SLCO1C1: variants seen among roughly 807,000 people sequenced by gnomAD.
The protein encoded by SLCO1C1 is solute carrier organic anion transporter family member 1C1, also known as OAT-RP-5.
In SLCO1C1, 70 loss-of-function variants were observed where a neutral mutation model predicts 76.4. That is an observed-to-expected ratio of 0.92 (90% CI 0.76 to 1.12). SLCO1C1 has a LOEUF of 1.12. SLCO1C1 is among the 50% of genes most tolerant of loss of function. The pLI, the probability that SLCO1C1 is intolerant of heterozygous loss-of-function variation, is 0.00. For missense variants in SLCO1C1, 912 were observed against 823.8 expected (o/e 1.11, Z -1.31); for synonymous variants, 306 against 286.1 (o/e 1.07, Z -0.70).
intron 1 of SLCO1C1, chr12:20,696,968 G>T (rs752170121): frequency 1.3e-5 from 2 of 152,022 alleles, no homozygotes; most frequent in Non-Finnish European, 2.9e-5. Flanking sequence ...AGTGAACTGA[G>T]ATGACTATAT....
Position 20,721,830 on chromosome 12 carries a change from C to T in SLCO1C1, c.802C>T (p.Pro268Ser), listed in dbSNP as rs759255086. 19 of 1,614,022 alleles carry T rather than the reference C, an allele frequency of 1.2e-5. No homozygotes were observed. In the Admixed American group the frequency reaches 3.0e-4, roughly 25 times the overall value. The change falls in exon 8 of 15, where the codon CCC becomes TCC. Residue 268 changes from proline (P) to serine (S), a missense_variant. Physicochemically the swap from Pro to Ser is moderately conservative, Grantham distance 74. Coordinates refer to ENST00000266509, the MANE Select transcript of SLCO1C1 (RefSeq NM_017435.5). ...TCACATAACCATTACCCCAAAAGAT[C>T]CCCAGTGGGTAGGAGCCTGGTGGCT... Reference protein sequence around the residue: ...LDHITITPKDPQWVGAWWLGY... With the variant: ...LDHITITPKDSQWVGAWWLGY...
chr12:20,702,203 C>T (rs73240441), intron 3 of SLCO1C1, among the ~76,000 whole-genome samples: 15,792 of 151,820 alleles, frequency 0.1, 1,982 homozygotes, highest in African/African-American at 0.3. Flanking sequence ...AGATATACAC[C>T]ATAGTAAAAC....
At chr12:20,751,351 G>T (rs1036865096) in intron 14 of SLCO1C1, among the ~76,000 whole-genome samples, 9 of 151,888 alleles carry the variant, frequency 5.9e-5, no homozygotes, top group Non-Finnish European at 1.2e-4. Flanking sequence ...TTTCACTATG[G>T]TATCATTCAG....
intron 1 of SLCO1C1, among the ~76,000 whole-genome samples, chr12:20,698,672 G>A (rs946688339): frequency 1.3e-5 from 2 of 151,978 alleles, no homozygotes; most frequent in African/African-American, 4.8e-5. Flanking sequence ...CTCCTATTAT[G>A]TGGATATAGA....
At chr12:20,718,884 ACT>A (rs751907983) in intron 7 of SLCO1C1, among the ~76,000 whole-genome samples, 4 of 151,774 alleles carry the variant, frequency 2.6e-5, no homozygotes, top group Non-Finnish European at 4.4e-5. Flanking sequence ...TCCAAAATGC[ACT>A]CTCTTTCCTT....
At position 20,701,324 on chromosome 12, in the gene SLCO1C1, T is replaced by C; in HGVS notation, c.136T>C (p.Leu46=). ...GACCTGTCATATTTTCCAGGTGTTC[T>C]TGTGTGCCTTGTCTTTTGTTTACTT... ...QPCCGELKVF[L]CALSFVYFAK... The change falls in exon 3 of 15, where the codon TTG becomes CTG. Residue 46 remains leucine, a synonymous_variant. Transcript: ENST00000266509. 6.6e-7 allele frequency: 1 copy of C among 1,523,618 alleles called. No homozygotes were observed. Among genetic ancestry groups the C allele is most frequent in the Non-Finnish European group, 8.9e-7 (1 of 1,118,738 alleles). 94.4% of individuals were successfully genotyped at this position (1,523,618 alleles called of 1,614,324 possible). A position where few individuals can be genotyped will look rare whatever the true frequency, so the allele number is the denominator to read the frequency against.
intron 10 of SLCO1C1, among the ~76,000 whole-genome samples, chr12:20,733,989 A>G (rs999170216): frequency 6.6e-6 from 1 of 152,176 alleles, no homozygotes; most frequent in Non-Finnish European, 1.5e-5. Context: ...TCGAGTCTCC[A>G]TCATGTGCCA....
intron 12 of SLCO1C1, among the ~76,000 whole-genome samples, chr12:20,742,134 C>T (rs1032690144): frequency 1.3e-5 from 2 of 152,166 alleles, no homozygotes; most frequent in Non-Finnish European, 2.9e-5. Flanking sequence ...AAATGGCAGC[C>T]TGAGTTTGAC....
chr12:20,736,252 C>T (rs117474805), intron 10 of SLCO1C1, among the ~76,000 whole-genome samples: 9 of 138,334 alleles, frequency 6.5e-5, no homozygotes, highest in African/African-American at 1.8e-4. Flanking sequence ...AATATAAAAG[C>T]GAATGGCAGA....
intron 1 of SLCO1C1, among the ~76,000 whole-genome samples, chr12:20,697,965 G>A (rs1245323790): frequency 6.6e-6 from 1 of 152,026 alleles, no homozygotes; most frequent in Admixed American, 6.6e-5. Context: ...CACTTCTGGT[G>A]CATCATCTAT....
intron 1 of SLCO1C1, 56 bp from the exon 2 acceptor site, chr12:20,699,496 A>G (rs894359667): frequency 1.4e-6 from 2 of 1,388,396 alleles, no homozygotes; most frequent in Non-Finnish European, 1.9e-6. Context: ...GAATAAAAAA[A>G]TTTAATAAAT....
intron 11 of SLCO1C1, 42 bp downstream of exon 11, chr12:20,737,314 C>T (rs1456525021): frequency 7.9e-6 from 12 of 1,520,704 alleles, no homozygotes; most frequent in Non-Finnish European, 4.4e-6. Context: ...GGTCCTGTTA[C>T]AATATAAACA....
chr12:20,698,693 TA>T (rs1215671900), intron 1 of SLCO1C1, among the ~76,000 whole-genome samples: 1 of 152,090 alleles, frequency 6.6e-6, no homozygotes, highest in Non-Finnish European at 1.5e-5. Context: ...AGTCCTCTAT[TA>T]ATGTACAATT....
chr12:20,713,979 T>C (rs1947254393), intron 5 of SLCO1C1, among the ~76,000 whole-genome samples: 1 of 152,198 alleles, frequency 6.6e-6, no homozygotes, highest in African/African-American at 2.4e-5. Context: ...GAGTTAATTT[T>C]TAGAAAAGGA....
At chr12:20,724,939 A>C (rs968585281) in intron 9 of SLCO1C1, among the ~76,000 whole-genome samples, 2 of 144,004 alleles carry the variant, frequency 1.4e-5, no homozygotes, top group African/African-American at 5.0e-5. Context: ...ATCATTATGT[A>C]TTTATATGTA....
At chr12:20,720,568 TTCAGCCC>T (rs1470435867) in intron 7 of SLCO1C1, among the ~76,000 whole-genome samples, 4 of 152,200 alleles carry the variant, frequency 2.6e-5, no homozygotes, top group African/African-American at 9.6e-5. Context: ...AGAAATTGAT[TTCAGCCC>T]TCCTGGATGA....
chr12:20,708,990 T>C (rs1946921303), intron 4 of SLCO1C1, among the ~76,000 whole-genome samples: 1 of 152,072 alleles, frequency 6.6e-6, no homozygotes, highest in South Asian at 2.1e-4. Flanking sequence ...TTAAGCAGAG[T>C]GACATGATCT....
At chr12:20,749,053 G>C (rs1460694356) in intron 13 of SLCO1C1, among the ~76,000 whole-genome samples, 3 of 152,080 alleles carry the variant, frequency 2.0e-5, no homozygotes, top group Non-Finnish European at 2.9e-5. Flanking sequence ...AGTCTGGATT[G>C]AATCAATTAT....
At chr12:20,703,829 A>G (rs1441921721) in intron 3 of SLCO1C1, among the ~76,000 whole-genome samples, 1 of 151,720 alleles carries the variant, frequency 6.6e-6, no homozygotes, top group African/African-American at 2.4e-5. Context: ...ATCTATCTTC[A>G]TAATCAAGTT....
Sources: gnomAD v4.1 joint callset for allele counts (sites outside exome capture counted in the v4.1 genomes callset) on GRCh38, gnomAD v4.1.1 for gene constraint, MANE v1.5 for transcripts, NCBI Gene and HGNC (gene_info 2026-07-23, HGNC 2026-07-21) for gene names.